Variants in VOPP1 observed in about 807,000 individuals in gnomAD.
The protein encoded by VOPP1 is VOPP1 WW domain binding protein.
Under a neutral mutation model 23.5 loss-of-function variants are expected in VOPP1, and 8 were observed. The observed-to-expected ratio is 0.34, with a 90% CI of 0.20 to 0.61. The LOEUF (loss-of-function observed/expected upper bound fraction) is 0.61. Among genes scored for constraint, VOPP1 ranks in the 20% least tolerant of loss-of-function variants. VOPP1 has a pLI of 0.78. For missense variants in VOPP1, 174 were observed against 238.1 expected, an observed-to-expected ratio of 0.73 and a Z score of 1.77; for synonymous variants, 83 against 97.3, an observed-to-expected ratio of 0.85 and a Z score of 0.86.
chr7:55,438,481 G>A (rs1790885899), intron 4 of VOPP1, among the ~76,000 whole-genome samples: 1 of 152,176 alleles, frequency 6.6e-6, no homozygotes, highest in Non-Finnish European at 1.5e-5. Context: ...GATGGTGGGA[G>A]GTACACAGGA....
At position 55,472,084 on chromosome 7, in the gene VOPP1, C is replaced by T. The variant is rs1199480258; in HGVS notation, c.*771G>A. ...ACACACCAAAAAAATGGGTAACAGT[C>T]CTTTCTCCAAATCAGACCAAGAGCT... is the stretch of plus-strand genomic sequence containing the variant. On this transcript the variant is annotated 3_prime_UTR_variant, in exon 5 of 5. Coordinates refer to ENST00000285279, the MANE Select transcript of VOPP1 (RefSeq NM_030796.5). The T allele has an allele frequency of 6.6e-6, 1 of 152,106 alleles. No homozygotes were observed. The highest frequency in any genetic ancestry group is 6.5e-5 in the Admixed American group (1 of 15,268). 9.4% of individuals were successfully genotyped at this position (152,106 alleles called of 1,614,324 possible).
chr7:55,514,035 C>A (rs1795249437), intron 2 of VOPP1, among the ~76,000 whole-genome samples: 1 of 152,184 alleles, frequency 6.6e-6, no homozygotes, highest in Non-Finnish European at 1.5e-5. Context: ...TCCAGTGAAG[C>A]CAGGCTCCCA....
intron 1 of VOPP1, among the ~76,000 whole-genome samples, chr7:55,529,364 CAAAAAAAAAAA>C (rs58601889): frequency 4.2e-4 from 45 of 107,472 alleles, no homozygotes; most frequent in African/African-American, 1.6e-3. Context: ...GATTCCGTCT[CAAAAAAAAAAA>C]AAAAAAAAAA....
At chr7:55,572,171 TC>T (rs983178828) in intron 1 of VOPP1, 99 bp downstream of exon 1, 2 of 981,034 alleles carry the variant, frequency 2.0e-6, no homozygotes, top group African/African-American at 3.5e-5. Context: ...CCGTCTGCGC[TC>T]CCAGGCAAGG....
intron 1 of VOPP1, among the ~76,000 whole-genome samples, chr7:55,561,697 GAAAA>G (rs10548276): frequency 9.6e-5 from 9 of 93,816 alleles, no homozygotes; most frequent in Admixed American, 1.2e-4. Context: ...ACTCTGTCTG[GAAAA>G]AAAAAAAAAA....
At chr7:55,460,594 G>A (rs1426299641) in intron 4 of VOPP1, among the ~76,000 whole-genome samples, 3 of 152,188 alleles carry the variant, frequency 2.0e-5, no homozygotes, top group Non-Finnish European at 4.4e-5. Context: ...TGGGGTACAT[G>A]TATATCAAGC....
intron 4 of VOPP1, among the ~76,000 whole-genome samples, chr7:55,490,183 G>T (rs898609041): frequency 3.3e-5 from 5 of 152,084 alleles, no homozygotes; most frequent in African/African-American, 4.8e-5. Flanking sequence ...ATGTGCTTCT[G>T]TTTTTTGTTT....
chr7:55,506,215 G>A (rs1308427518), intron 2 of VOPP1, among the ~76,000 whole-genome samples: 3 of 152,224 alleles, frequency 2.0e-5, no homozygotes, highest in African/African-American at 7.2e-5. Flanking sequence ...TCCTAGACAA[G>A]TCATCTGTGA....
At chr7:55,453,141 G>A (rs1791285276) in intron 4 of VOPP1, among the ~76,000 whole-genome samples, 1 of 152,168 alleles carries the variant, frequency 6.6e-6, no homozygotes, top group Non-Finnish European at 1.5e-5. Context: ...ACTTTCTGCT[G>A]CACCCTGTAC....
rs925955564 is a variant in VOPP1 at position 55,443,447 on chromosome 7, G to A, written n.418-7273C>T. Among the ~76,000 whole-genome samples, 8 of 147,450 alleles carry A rather than the reference G, an allele frequency of 5.4e-5. No homozygotes were observed. The East Asian group carries it at 8.6e-4, about 16-fold the overall frequency. On this transcript the variant is annotated intron_variant and non_coding_transcript_variant, in intron 4 of 4. Coordinates refer to the VOPP1 transcript ENST00000462326. ...CGGGCGCCTGTAGTCCTAGCTACTC[G>A]GGAGGCTGAGGCAGGAGAATGGCAT...
intron 4 of VOPP1, among the ~76,000 whole-genome samples, chr7:55,484,395 C>T (rs1466611025): frequency 2.0e-5 from 3 of 152,170 alleles, no homozygotes; most frequent in African/African-American, 7.2e-5. Flanking sequence ...AGCACAGGTG[C>T]TTTCCTTTAT....
intron 1 of VOPP1, among the ~76,000 whole-genome samples, chr7:55,543,444 T>C (rs560937374): frequency 1.6e-4 from 25 of 152,298 alleles, no homozygotes; most frequent in Non-Finnish European, 2.9e-4. Context: ...GGCAATGAGA[T>C]TGCTAGATCA....
chr7:55,476,801 G>T (rs1363819732), intron 4 of VOPP1, among the ~76,000 whole-genome samples: 1 of 152,170 alleles, frequency 6.6e-6, no homozygotes, highest in Non-Finnish European at 1.5e-5. Context: ...CACCCAAGCT[G>T]TGGCAGGCTT....
At chr7:55,452,169 T>C (rs1399758142) in intron 4 of VOPP1, among the ~76,000 whole-genome samples, 1 of 152,226 alleles carries the variant, frequency 6.6e-6, no homozygotes, top group Non-Finnish European at 1.5e-5. Flanking sequence ...ACAGCATCTT[T>C]AGTAGGAGTA....
rs540303668 is a variant in VOPP1 at position 55,460,712 on chromosome 7, T to C, written n.418-24538A>G. ...TATCCCCTTGCTGAATTGATCCATT[T>C]GTCATATATAATGACCTTTTTATCT... On this transcript the variant is annotated intron_variant and non_coding_transcript_variant, in intron 4 of 4. Transcript: ENST00000462326. 3.3e-5 allele frequency among the ~76,000 whole-genome samples: 5 copies of C among 152,370 alleles called. No homozygotes were observed. The East Asian group carries it at 9.6e-4, about 29-fold the overall frequency.
chr7:55,531,250 A>G (rs1477629479), intron 1 of VOPP1, among the ~76,000 whole-genome samples: 1 of 152,276 alleles, frequency 6.6e-6, no homozygotes, highest in African/African-American at 2.4e-5. Context: ...ATCTGCTGGC[A>G]ATAAATGAAT....
At chr7:55,496,273 C>T (rs1403533442) in intron 3 of VOPP1, among the ~76,000 whole-genome samples, 2 of 149,986 alleles carry the variant, frequency 1.3e-5, no homozygotes, top group African/African-American at 2.5e-5. Flanking sequence ...CCAGACGGTC[C>T]GCCTCCTTCC....
At position 55,547,760 on chromosome 7, in the gene VOPP1, C is replaced by T. The variant is rs1797429798; in HGVS notation, c.54+24511G>A. On this transcript the variant is annotated intron_variant, in intron 1 of 4. Transcript: ENST00000285279. ...AAAGACTCATTAACCATCAGCTAGACCTGAGTGGTGCCTGGTTCCCTCTTC... is the reference window on the plus strand; with the variant it reads ...AAAGACTCATTAACCATCAGCTAGATCTGAGTGGTGCCTGGTTCCCTCTTC... Among the ~76,000 whole-genome samples, 4 of 152,176 alleles carry T rather than the reference C, an allele frequency of 2.6e-5. No homozygotes were observed. In the South Asian group the frequency reaches 6.2e-4, roughly 24 times the overall value.
rs569428312 is a variant in VOPP1 at position 55,476,108 on chromosome 7, G to A, written c.329-3063C>T. Reference sequence around the variant, plus strand: ...GCATCACGGGCCCGTGTGGAGCGCCGTCTAAGAATTAAAGGCCACCACAGC... The same window carrying A: ...GCATCACGGGCCCGTGTGGAGCGCCATCTAAGAATTAAAGGCCACCACAGC... On this transcript the variant is annotated intron_variant, in intron 4 of 4. Transcript: ENST00000285279. 8.5e-5 allele frequency among the ~76,000 whole-genome samples: 13 copies of A among 152,316 alleles called. No homozygotes were observed. The South Asian group carries it at 1.9e-3, about 22-fold the overall frequency.
Sources: gnomAD v4.1 joint callset for allele counts (sites outside exome capture counted in the v4.1 genomes callset) on GRCh38, gnomAD v4.1.1 for gene constraint, MANE v1.5 for transcripts, NCBI Gene and HGNC (gene_info 2026-07-23, HGNC 2026-07-21) for gene names.